TLL2: variants seen among roughly 807,000 people sequenced by gnomAD.
TLL2 encodes tolloid like 2, also known as tolloid-like protein 2.
Under a neutral mutation model 123.0 loss-of-function variants are expected in TLL2, and 106 were observed. That is an observed-to-expected ratio of 0.86 (90% CI 0.74 to 1.01). TLL2 has a LOEUF of 1.01. Among genes scored for constraint, TLL2 ranks in the 50% least tolerant of loss-of-function variants. TLL2 has a pLI of 0.00. For synonymous variants in TLL2, 494 were observed against 516.8 expected (o/e 0.96, Z 0.60); for missense variants, 1,332 against 1,336.7 (o/e 1.00, Z 0.06).
intron 1 of TLL2, among the ~76,000 whole-genome samples, chr10:96,497,864 G>A (rs1419472353): frequency 2.0e-5 from 3 of 152,230 alleles, no homozygotes; most frequent in African/African-American, 7.2e-5. Context: ...ATAGGAAGAT[G>A]GGATTCTGGC....
chr10:96,500,844 G>A (rs191831570), intron 1 of TLL2, among the ~76,000 whole-genome samples: 219 of 149,734 alleles, frequency 1.5e-3, no homozygotes, highest in African/African-American at 5.1e-3. Context: ...AAAAAAATCT[G>A]TATGTCCAAC....
chr10:96,377,622 A>G (rs768865857), intron 17 of TLL2, among the ~76,000 whole-genome samples: 10 of 152,176 alleles, frequency 6.6e-5, no homozygotes, highest in Non-Finnish European at 2.9e-5. Flanking sequence ...AGGCCAGTCT[A>G]CCACTGCTTA....
rs1196647141 is a variant in TLL2 at position 96,506,265 on chromosome 10, AG to A, written c.175+7245del. The stretch of plus-strand genomic sequence containing the variant: ...AGACCCCATCTCAAAAAAAAAAAAA[AG>A]AAAAAAAAAAAAGAAAAAAGGAAAG... On this transcript the variant is annotated intron_variant, in intron 1 of 20. Transcript: ENST00000357947. Among the ~76,000 whole-genome samples the A allele has an allele frequency of 6.8e-3, 491 of 72,216 alleles. 27 individuals are homozygous for A. The highest frequency in any genetic ancestry group is 0.027 in the Middle Eastern group (2 of 74). 47.4% of individuals were successfully genotyped at this position (72,216 alleles called of 152,430 possible).
At chr10:96,506,861 C>T (rs543169366) in intron 1 of TLL2, among the ~76,000 whole-genome samples, 2 of 152,298 alleles carry the variant, frequency 1.3e-5, no homozygotes, top group Admixed American at 1.3e-4. Context: ...ACTTGGAGAC[C>T]TACCTTTGAT....
At chr10:96,481,645 G>A (rs945690304) in intron 1 of TLL2, among the ~76,000 whole-genome samples, 5 of 152,166 alleles carry the variant, frequency 3.3e-5, no homozygotes, top group African/African-American at 7.2e-5. Flanking sequence ...GCCTTCACTC[G>A]GAAGGCAGAT....
Position 96,503,787 on chromosome 10 carries a change from C to T in TLL2, c.175+9724G>A, listed in dbSNP as rs536079842. Among the ~76,000 whole-genome samples, 25 of 152,300 alleles carry T rather than the reference C, an allele frequency of 1.6e-4. No homozygotes were observed. The South Asian group carries it at 4.6e-3, about 28-fold the overall frequency. On this transcript the variant is annotated intron_variant, in intron 1 of 20. Transcript: ENST00000357947. ...AGTACTTGGAAAGCCAGAATTCTCTCGTCCTTGTCAGATTCCTAGACAAGG... is the reference window on the plus strand; with the variant it reads ...AGTACTTGGAAAGCCAGAATTCTCTTGTCCTTGTCAGATTCCTAGACAAGG...
In TLL2 at chr10:96,367,332, C is replaced by T. The variant is rs1361937819; in HGVS notation, c.*756G>A. 1 of 152,212 alleles carries T rather than the reference C, an allele frequency of 6.6e-6. No individual in the cohort carries two copies. Among genetic ancestry groups the T allele is most frequent in the Non-Finnish European group, 1.5e-5 (1 of 68,046 alleles). 9.4% of individuals were successfully genotyped at this position (152,212 alleles called of 1,614,324 possible). A position where few individuals can be genotyped will look rare whatever the true frequency, so the allele number is the denominator to read the frequency against. On this transcript the variant is annotated 3_prime_UTR_variant, in exon 21 of 21. Coordinates refer to ENST00000357947, the MANE Select transcript of TLL2 (RefSeq NM_012465.4). ...TGAATGAAAAAAATATCAGGACGAGCCACAATATTGTCTTCTCAGCAGACA... is the reference window on the plus strand; with the variant it reads ...TGAATGAAAAAAATATCAGGACGAGTCACAATATTGTCTTCTCAGCAGACA...
chr10:96,391,933 G>A (rs1284663246), intron 13 of TLL2, among the ~76,000 whole-genome samples: 1 of 152,184 alleles, frequency 6.6e-6, no homozygotes, highest in African/African-American at 2.4e-5. Context: ...AAATTGAAAT[G>A]CCCTCCAAGT....
chr10:96,406,066 T>G (rs1206822605), intron 9 of TLL2, among the ~76,000 whole-genome samples: 1 of 152,128 alleles, frequency 6.6e-6, no homozygotes, highest in Non-Finnish European at 1.5e-5. Context: ...TGGACATCCC[T>G]GAGGTCAGGT....
intron 2 of TLL2, among the ~76,000 whole-genome samples, chr10:96,450,208 C>T (rs186845351): frequency 2.6e-5 from 4 of 151,596 alleles, no homozygotes; most frequent in East Asian, 1.9e-4. Context: ...GATGGACATA[C>T]GAGTCACGTA....
chr10:96,513,357 C>T (rs535546625), intron 1 of TLL2, among the ~76,000 whole-genome samples, 154 bp downstream of exon 1: 1 of 152,334 alleles, frequency 6.6e-6, no homozygotes, highest in South Asian at 2.1e-4. Flanking sequence ...GGTTTTTAAG[C>T]AATTCCTCGG....
Position 96,399,924 on chromosome 10 carries a change from C to T in TLL2, c.1268-2622G>A, listed in dbSNP as rs138381531. ...AGACAGCCTGTCTCTGCTGAGTACT[C>T]GGCAGGAGGCAGGAATTGCAGCCTG... is the stretch of plus-strand genomic sequence containing the variant. On this transcript the variant is annotated intron_variant, in intron 10 of 20. Coordinates refer to ENST00000357947, the MANE Select transcript of TLL2 (RefSeq NM_012465.4). Among the ~76,000 whole-genome samples, 468 of 152,290 alleles carry T rather than the reference C, an allele frequency of 3.1e-3. 3 individuals are homozygous for T. The highest frequency in any genetic ancestry group is 0.01 in the African/African-American group (430 of 41,550).
At chr10:96,477,032 CTTTTT>C (rs10615764) in intron 2 of TLL2, among the ~76,000 whole-genome samples, 2,963 of 110,804 alleles carry the variant, frequency 0.027, 104 homozygotes, top group South Asian at 0.085. Flanking sequence ...AGCTACTGGA[CTTTTT>C]TTTTTTTTTT....
intron 2 of TLL2, among the ~76,000 whole-genome samples, chr10:96,459,324 C>G (rs530026325): frequency 1.6e-4 from 25 of 151,980 alleles, no homozygotes; most frequent in South Asian, 1.3e-3. Flanking sequence ...AAGGATGTAC[C>G]CACCAAATAT....
At chr10:96,379,761 G>T (rs1846169662) in intron 16 of TLL2, among the ~76,000 whole-genome samples, 1 of 152,266 alleles carries the variant, frequency 6.6e-6, no homozygotes, top group South Asian at 2.1e-4. Context: ...GGCAGAGGTT[G>T]CAGTGAGCAG....
At position 96,367,974 on chromosome 10, in the gene TLL2, G is replaced by C; in HGVS notation, c.*114C>G. The C allele has an allele frequency of 7.6e-7, 1 of 1,323,936 alleles. No homozygotes were observed. Among genetic ancestry groups the C allele is most frequent in the Non-Finnish European group, 1.0e-6 (1 of 981,242 alleles). The allele number at this position is 1,323,936 out of a possible 1,614,324, so 82.0% of individuals were successfully genotyped here. A position where few individuals can be genotyped will look rare whatever the true frequency, so the allele number is the denominator to read the frequency against. On this transcript the variant is annotated 3_prime_UTR_variant, in exon 21 of 21. Coordinates refer to ENST00000357947, the MANE Select transcript of TLL2 (RefSeq NM_012465.4). ...CTCTAAGGCTGGATTCTGAGTTTTTGTTTGAGAAAAATACTGTACACTGTT... is the reference window on the plus strand; with the variant it reads ...CTCTAAGGCTGGATTCTGAGTTTTTCTTTGAGAAAAATACTGTACACTGTT...
At chr10:96,385,176 C>T (rs145843827) in intron 15 of TLL2, among the ~76,000 whole-genome samples, 4 of 152,022 alleles carry the variant, frequency 2.6e-5, no homozygotes, top group East Asian at 3.9e-4. Flanking sequence ...TGCAAACCAC[C>T]GACAGAATCT....
At chr10:96,471,167 A>AT (rs34627868) in intron 2 of TLL2, among the ~76,000 whole-genome samples, 4 of 151,624 alleles carry the variant, frequency 2.6e-5, no homozygotes, top group Non-Finnish European at 5.9e-5. Context: ...CACTTGGCTA[A>AT]TTTTTTTTTG....
chr10:96,441,934 G>A (rs1374795268), intron 3 of TLL2, among the ~76,000 whole-genome samples: 1 of 152,162 alleles, frequency 6.6e-6, no homozygotes, highest in Non-Finnish European at 1.5e-5. Context: ...ATTATTATTT[G>A]CTTTCACACA....
Sources: gnomAD v4.1 joint callset for allele counts (sites outside exome capture counted in the v4.1 genomes callset) on GRCh38, gnomAD v4.1.1 for gene constraint, MANE v1.5 for transcripts, NCBI Gene and HGNC (gene_info 2026-07-23, HGNC 2026-07-21) for gene names.